The following LEPR variants were observed in gnomAD, a reference collection of about 807,000 sequenced individuals.
LEPR encodes the protein leptin receptor, also known as OB receptor.
A neutral mutation model predicts 114.7 loss-of-function variants in LEPR; 56 were observed. The ratio of observed to expected loss-of-function variants is 0.49; its 90% confidence interval spans 0.39 to 0.61. The LOEUF (loss-of-function observed/expected upper bound fraction) is 0.61, where lower values mean the gene tolerates loss of function less well. Among genes scored for constraint, LEPR ranks in the 20% least tolerant of loss-of-function variants. The probability of loss-of-function intolerance (pLI) is 0.00; values close to 1 mark genes in which losing one functional copy is unlikely to be tolerated. For synonymous variants in LEPR, 443 were observed against 461.4 expected (o/e 0.96, Z 0.51); for missense variants, 1,202 against 1,352.9 (o/e 0.89, Z 1.75).
At chr1:65,433,996 A>G (rs1165744154) in intron 2 of LEPR, 15 of 985,258 alleles carry the variant, frequency 1.5e-5, no homozygotes, top group Non-Finnish European at 1.7e-5. Flanking sequence ...TAAGATGGCA[A>G]TAATGATTCA....
At chr1:65,576,797 T>C in intron 5 of LEPR, 1 of 238,358 alleles carries the variant, frequency 4.2e-6, no homozygotes, top group Non-Finnish European at 8.8e-6. Context: ...TGGTCCCCTT[T>C]TTTTGGAAAA....
intron 5 of LEPR, among the ~76,000 whole-genome samples, chr1:65,572,777 G>A (rs1441616654): frequency 6.6e-6 from 1 of 152,166 alleles, no homozygotes; most frequent in Non-Finnish European, 1.5e-5. Flanking sequence ...CCTTAAACAG[G>A]TGAAACGTAG....
chr1:65,633,254 A>G lies in LEPR; in HGVS notation c.2674-2937A>G. 6.4e-7 allele frequency: 1 copy of G among 1,570,732 alleles called. No homozygotes were observed. The highest frequency in any genetic ancestry group is 1.2e-5 in the South Asian group (1 of 82,346). ...GTATTAGAAGATTTTTACATTTTGAAGAAGGGGAGCAAATCTAAAAAAAAT... is the reference window on the plus strand; with the variant it reads ...GTATTAGAAGATTTTTACATTTTGAGGAAGGGGAGCAAATCTAAAAAAAAT... On this transcript the variant is annotated intron_variant, in intron 19 of 19. Coordinates refer to ENST00000349533, the MANE Select transcript of LEPR (RefSeq NM_002303.6). The surrounding 1 kb of genome is among the most constrained non-coding windows in gnomAD (Gnocchi z 4.1).
At chr1:65,632,861 G>A (rs766660396) in intron 19 of LEPR, among the ~76,000 whole-genome samples, 22 of 150,260 alleles carry the variant, frequency 1.5e-4, no homozygotes, top group African/African-American at 4.9e-4. Context: ...TTTCCAGCTC[G>A]TTGTTCTTCT....
At chr1:65,518,879 T>TTC (rs1557636144) in intron 2 of LEPR, among the ~76,000 whole-genome samples, 3 of 80,022 alleles carry the variant, frequency 3.7e-5, no homozygotes, top group Admixed American at 1.4e-4. Flanking sequence ...TTCTTTTTCT[T>TTC]TCTTTCTTTC....
intron 5 of LEPR, among the ~76,000 whole-genome samples, chr1:65,575,483 A>G (rs1654521862): frequency 6.6e-6 from 1 of 151,456 alleles, no homozygotes. Context: ...AAGATCCTTT[A>G]TTTCATGTGT....
At chr1:65,482,848 C>T (rs993798249) in intron 2 of LEPR, among the ~76,000 whole-genome samples, 14 of 151,870 alleles carry the variant, frequency 9.2e-5, no homozygotes, top group Admixed American at 3.9e-4. Context: ...ATTAGCCAGG[C>T]GTGGTGGCAC....
At chr1:65,509,033 T>C (rs543515269) in intron 2 of LEPR, among the ~76,000 whole-genome samples, 2 of 152,316 alleles carry the variant, frequency 1.3e-5, no homozygotes, top group African/African-American at 4.8e-5. Context: ...TGTAGGTTAA[T>C]TTTGTATCCT....
chr1:65,635,082 T>G (rs1658671361), intron 19 of LEPR: 1 of 900,554 alleles, frequency 1.1e-6, no homozygotes. Context: ...TATAAAACTA[T>G]GCTAAATAAA....
intron 2 of LEPR, among the ~76,000 whole-genome samples, chr1:65,468,368 G>T (rs943751438): frequency 1.2e-4 from 19 of 152,112 alleles, no homozygotes; most frequent in African/African-American, 4.6e-4. Flanking sequence ...GTTTACAGTG[G>T]TTACAAATTA....
chr1:65,589,207 A>C (rs1339055625), intron 5 of LEPR, among the ~76,000 whole-genome samples: 1 of 152,086 alleles, frequency 6.6e-6, no homozygotes, highest in Admixed American at 6.6e-5. Flanking sequence ...ATTTGCCATA[A>C]CTATGATTTA....
In LEPR at chr1:65,535,616, G is replaced by T. The variant is rs1003162970; in HGVS notation, c.-20-29930G>T. Among the ~76,000 whole-genome samples, 3 of 152,028 alleles carry T rather than the reference G, an allele frequency of 2.0e-5. No homozygotes were observed. The East Asian group carries it at 5.8e-4, about 29-fold the overall frequency. On this transcript the variant is annotated intron_variant, in intron 2 of 19. Coordinates refer to ENST00000349533, the MANE Select transcript of LEPR (RefSeq NM_002303.6). ...TCCTCCCGCTTTGGCCTCCCAAAGC[G>T]CAGGGATTACAGGTGTGGACCATCG...
At chr1:65,626,468 C>T (rs2101025546) in intron 19 of LEPR, 1 of 229,090 alleles carries the variant, frequency 4.4e-6, no homozygotes, top group Admixed American at 6.5e-5. Flanking sequence ...ATTACTAGGG[C>T]TGACCAGGCG....
At chr1:65,445,742 C>T (rs1646706315) in intron 2 of LEPR, among the ~76,000 whole-genome samples, 1 of 151,856 alleles carries the variant, frequency 6.6e-6, no homozygotes, top group South Asian at 2.1e-4. Context: ...TTTTTCTACA[C>T]ATGCCATTTC....
At chr1:65,438,289 C>T (rs572398622) in intron 2 of LEPR, among the ~76,000 whole-genome samples, 5 of 152,012 alleles carry the variant, frequency 3.3e-5, no homozygotes, top group Non-Finnish European at 4.4e-5. Context: ...CGGTGGCTCA[C>T]GCCTGTAATC....
chr1:65,524,509 G>A (rs553820734), intron 2 of LEPR, among the ~76,000 whole-genome samples: 2 of 152,320 alleles, frequency 1.3e-5, no homozygotes, highest in African/African-American at 4.8e-5. Flanking sequence ...CTCCATTTGC[G>A]AAGTTATAGC....
chr1:65,625,234 G>T (rs1658128387), intron 19 of LEPR, among the ~76,000 whole-genome samples: 1 of 152,138 alleles, frequency 6.6e-6, no homozygotes, highest in African/African-American at 2.4e-5. Flanking sequence ...TACCATATGA[G>T]AAATAAGACA....
intron 2 of LEPR, among the ~76,000 whole-genome samples, chr1:65,425,733 T>C (rs1172830851): frequency 2.6e-5 from 4 of 152,148 alleles, no homozygotes; most frequent in African/African-American, 7.2e-5. Context: ...GCCAGCACAG[T>C]ACGCTGGAGC....
rs1282157339 is a variant in LEPR, at chr1:65,637,563, G to A, written c.*548G>A. Reference sequence around the variant, plus strand: ...TTGTTATGTACCAAATCTAAGATATGTACCATAGAATGAAATAACCTGCAA... The same window carrying A: ...TTGTTATGTACCAAATCTAAGATATATACCATAGAATGAAATAACCTGCAA... On this transcript the variant is annotated 3_prime_UTR_variant, in exon 20 of 20. Transcript: ENST00000349533. 6.6e-6 allele frequency: 1 copy of A among 152,446 alleles called. No individual in the cohort carries two copies. The highest frequency in any genetic ancestry group is 2.4e-5 in the African/African-American group (1 of 41,454). The allele number at this position is 152,446 out of a possible 1,614,324, so 9.4% of individuals were successfully genotyped here. A position where few individuals can be genotyped will look rare whatever the true frequency, so the allele number is the denominator to read the frequency against.
Sources: gnomAD v4.1 joint callset for allele counts (sites outside exome capture counted in the v4.1 genomes callset) on GRCh38, gnomAD v4.1.1 for gene constraint, Gnocchi (gnomAD v3.1) non-coding constraint, MANE v1.5 for transcripts, NCBI Gene and HGNC (gene_info 2026-07-23, HGNC 2026-07-21) for gene names.